TTC7B: variants seen among roughly 807,000 people sequenced by gnomAD.
TTC7B encodes tetratricopeptide repeat protein 7B.
Under a neutral mutation model 106.8 loss-of-function variants are expected in TTC7B, and 28 were observed. That is an observed-to-expected ratio of 0.26 (90% CI 0.19 to 0.36). The LOEUF (loss-of-function observed/expected upper bound fraction) is 0.36. Ranked by LOEUF, TTC7B falls within the 10% of genes least tolerant of loss-of-function variation. The pLI is 1.00. For synonymous variants in TTC7B, 405 were observed against 430.6 expected (o/e 0.94, Z 0.74); for missense variants, 862 against 1,076.4 (o/e 0.80, Z 2.79).
At chr14:90,559,627 TACACACACAATTCTCACA>T (rs1446532642) in intron 19 of TTC7B, among the ~76,000 whole-genome samples, 4 of 152,108 alleles carry the variant, frequency 2.6e-5, no homozygotes, top group Non-Finnish European at 5.9e-5. Context: ...GCCTCTGTGC[TACACACACAATTCTCACA>T]ACACACACGA....
At position 90,786,272 on chromosome 14, in the gene TTC7B, G is replaced by A. The variant is rs1032526269; in HGVS notation, c.178C>T (p.His60Tyr). 6.2e-7 allele frequency: 1 copy of A among 1,613,090 alleles called. No homozygotes were observed. Among genetic ancestry groups the A allele is most frequent in the Admixed American group, 1.7e-5 (1 of 59,912 alleles). ...ESKLEQYLKEHPLRQGASPRG... is the reference protein window; with the variant it reads ...ESKLEQYLKEYPLRQGASPRG... Reference sequence around the variant, plus strand: ...GGACTGGCCCCCTGCCTCAGGGGGTGTTCCTTCAGGTACTGCTCCAGCTTC... The same window carrying A: ...GGACTGGCCCCCTGCCTCAGGGGGTATTCCTTCAGGTACTGCTCCAGCTTC... The change falls in exon 2 of 20, where the codon CAC becomes TAC. Residue 60 changes from histidine (H) to tyrosine (Y), a missense_variant. Transcript: ENST00000328459.
At chr14:90,774,512 G>A (rs552488008) in intron 3 of TTC7B, among the ~76,000 whole-genome samples, 2 of 152,150 alleles carry the variant, frequency 1.3e-5, no homozygotes, top group East Asian at 1.9e-4. Context: ...TGGAGTTGTC[G>A]AGGCTGACTT....
chr14:90,786,461 G>C, intron 1 of TTC7B, 133 bp from the exon 2 acceptor site: 1 of 967,978 alleles, frequency 1.0e-6, no homozygotes, highest in Non-Finnish European at 1.5e-6. Context: ...GAACTTCATA[G>C]CCTTCATAGG....
intron 5 of TTC7B, among the ~76,000 whole-genome samples, chr14:90,723,766 T>C (rs1402993444): frequency 6.6e-6 from 1 of 152,234 alleles, no homozygotes; most frequent in East Asian, 1.9e-4. Context: ...TTTGTAATTA[T>C]ATATGACCAG....
intron 6 of TTC7B, 63 bp downstream of exon 6, chr14:90,695,437 G>T: frequency 1.1e-6 from 1 of 876,216 alleles, no homozygotes; most frequent in Non-Finnish European, 1.7e-6. Flanking sequence ...AAAAAAATAT[G>T]AATGTAAATA....
rs11291974 is a variant in TTC7B, at chr14:90,668,827, C to CTTT, written c.1152+7693_1152+7695dup. Among the ~76,000 whole-genome samples, 28 of 88,528 alleles carry CTTT rather than the reference C, an allele frequency of 3.2e-4. 1 individual carries two copies. The highest frequency in any genetic ancestry group is 8.9e-4 in the African/African-American group (20 of 22,418). The allele number at this position is 88,528 out of a possible 152,430, so 58.1% of individuals were successfully genotyped here. A position where few individuals can be genotyped will look rare whatever the true frequency, so the allele number is the denominator to read the frequency against. ...CAATGCATCCCTATCAAAATTTCAA[C>CTTT]TTTTTTTTTTTTTTTTTTTTTTTTT... On this transcript the variant is annotated intron_variant, in intron 9 of 19. Coordinates refer to ENST00000328459, the MANE Select transcript of TTC7B (RefSeq NM_001010854.2).
chr14:90,628,388 T>C (rs994663869), intron 15 of TTC7B, among the ~76,000 whole-genome samples: 1 of 152,190 alleles, frequency 6.6e-6, no homozygotes, highest in Admixed American at 6.5e-5. Context: ...CTCTCGGTCT[T>C]TATTTCTGGC....
At chr14:90,814,216 G>A (rs1329109276) in intron 1 of TTC7B, among the ~76,000 whole-genome samples, 3 of 152,158 alleles carry the variant, frequency 2.0e-5, no homozygotes, top group African/African-American at 7.2e-5. Flanking sequence ...GCAGCCCCTG[G>A]GAAGAGAGCT....
At chr14:90,634,490 G>A (rs1313368850) in intron 15 of TTC7B, among the ~76,000 whole-genome samples, 5 of 152,080 alleles carry the variant, frequency 3.3e-5, no homozygotes, top group Non-Finnish European at 7.4e-5. Flanking sequence ...AAGAGAGGGA[G>A]GCCGGGTGGG....
chr14:90,736,432 C>T (rs1163267181), intron 4 of TTC7B, among the ~76,000 whole-genome samples: 1 of 151,760 alleles, frequency 6.6e-6, no homozygotes, highest in Non-Finnish European at 1.5e-5. Flanking sequence ...AATAACTGGG[C>T]GTAGTGGTGG....
intron 15 of TTC7B, 39 bp from the exon 16 acceptor site, chr14:90,618,084 A>G (rs1893162518): frequency 1.3e-6 from 2 of 1,486,484 alleles, no homozygotes; most frequent in African/African-American, 2.8e-5. Flanking sequence ...ACCACGGCTC[A>G]AGCCACAGAG....
chr14:90,799,908 C>T (rs1051725699), intron 1 of TTC7B, among the ~76,000 whole-genome samples: 5 of 152,132 alleles, frequency 3.3e-5, no homozygotes, highest in Non-Finnish European at 7.4e-5. Flanking sequence ...CGGCTCACTG[C>T]AACCTCCGCC....
Position 90,576,876 on chromosome 14 carries a change from T to C in TTC7B, c.2310+1230A>G, listed in dbSNP as rs2139802854. 2.0e-5 allele frequency among the ~76,000 whole-genome samples: 3 copies of C among 152,326 alleles called. No homozygotes were observed. The Middle Eastern group carries it at 0.01, about 518-fold the overall frequency. On this transcript the variant is annotated intron_variant, in intron 19 of 19. Transcript: ENST00000328459. ...CTTTGGGGAACATTTTACTTATTAG[T>C]TACAAAACCACATCCTATTAGTCTT...
chr14:90,648,918 A>C (rs1885593554), intron 13 of TTC7B: 1 of 152,226 alleles, frequency 6.6e-6, no homozygotes, highest in Non-Finnish European at 1.5e-5. Context: ...TAATTTTCTC[A>C]GTTCAATTCA....
intron 7 of TTC7B, among the ~76,000 whole-genome samples, chr14:90,683,216 C>A (rs1887123225): frequency 6.6e-6 from 1 of 152,114 alleles, no homozygotes; most frequent in African/African-American, 2.4e-5. Flanking sequence ...GCAGGGAGGG[C>A]CTTGAACACT....
At position 90,728,195 on chromosome 14, in the gene TTC7B, C is replaced by A. The variant is rs573130667; in HGVS notation, c.698+1880G>T. ...AGCAGGGACTGCAGCTAACAGGGAC[C>A]TTTGAGAGTACCTGGCCCAGGGCTG... On this transcript the variant is annotated intron_variant, in intron 5 of 19. Coordinates refer to ENST00000328459, the MANE Select transcript of TTC7B (RefSeq NM_001010854.2). Among the ~76,000 whole-genome samples, 12 of 152,130 alleles carry A rather than the reference C, an allele frequency of 7.9e-5. 1 individual carries two copies. In the South Asian group the frequency reaches 2.5e-3, roughly 32 times the overall value.
At chr14:90,631,429 G>T (rs1321014717) in intron 15 of TTC7B, among the ~76,000 whole-genome samples, 7 of 138,008 alleles carry the variant, frequency 5.1e-5, no homozygotes, top group African/African-American at 1.9e-4. Flanking sequence ...TTTTTTTTGA[G>T]ACAGATTCTC....
At chr14:90,691,094 T>C (rs776037070) in intron 6 of TTC7B, among the ~76,000 whole-genome samples, 5 of 152,212 alleles carry the variant, frequency 3.3e-5, no homozygotes, top group Non-Finnish European at 7.3e-5. Flanking sequence ...TTTGATCTCA[T>C]TGCAGTCATA....
intron 13 of TTC7B, chr14:90,649,008 T>C (rs910802423): frequency 6.6e-6 from 1 of 152,202 alleles, no homozygotes; most frequent in South Asian, 2.1e-4. Context: ...ATCTGTTGAG[T>C]TGAGGGTGTA....
Sources: allele counts gnomAD v4.1 joint callset (sites outside exome capture counted in the v4.1 genomes callset), GRCh38; gene constraint gnomAD v4.1.1; transcripts MANE v1.5; gene names NCBI Gene and HGNC (gene_info 2026-07-23, HGNC 2026-07-21).